SRRM4: variants seen among roughly 807,000 people sequenced by gnomAD.
SRRM4 encodes the protein serine/arginine repetitive matrix protein 4.
SRRM4 carries 33 observed loss-of-function variants against 68.9 expected under a neutral mutation model. The ratio of observed to expected loss-of-function variants is 0.48; its 90% CI spans 0.36 to 0.64. The LOEUF (loss-of-function observed/expected upper bound fraction) is 0.64, where lower values mean the gene tolerates loss of function less well. Ranked by LOEUF, SRRM4 falls within the 30% of genes least tolerant of loss-of-function variation. The probability of loss-of-function intolerance (pLI) is 0.00; values close to 1 mark genes in which losing one functional copy is unlikely to be tolerated. For missense variants in SRRM4, 817 were observed against 827.1 expected (o/e 0.99, Z 0.15); for synonymous variants, 318 against 318.8 (o/e 1.00, Z 0.03).
At chr12:119,080,012 T>C (rs1024138681) in intron 1 of SRRM4, among the ~76,000 whole-genome samples, 1 of 152,210 alleles carries the variant, frequency 6.6e-6, no homozygotes, top group African/African-American at 2.4e-5. Flanking sequence ...CGAATTCAGC[T>C]ACCGGTGCCC....
intron 8 of SRRM4, among the ~76,000 whole-genome samples, chr12:119,139,355 C>T (rs779006147): frequency 6.6e-6 from 1 of 152,174 alleles, no homozygotes; most frequent in African/African-American, 2.4e-5. Context: ...TTGGGCTTCC[C>T]TCAATTGTAT....
intron 1 of SRRM4, among the ~76,000 whole-genome samples, chr12:119,021,830 T>A (rs550329807): frequency 6.6e-6 from 1 of 152,362 alleles, no homozygotes; most frequent in African/African-American, 2.4e-5. Flanking sequence ...AGTCTATCAT[T>A]GATGGGCGTT....
Position 119,154,315 on chromosome 12 carries a change from G to A in SRRM4, c.1464G>A (p.Arg488=). Residue 488 remains arginine, a synonymous_variant, in exon 12 of 13, where the codon CGG becomes CGA. Transcript: ENST00000267260. The surrounding 1 kb of genome is among the most constrained non-coding windows in gnomAD (Gnocchi z 4.7). ...GCGAGCGAGCGCGTCGGAGACGTCGGTCCTACTCGCCTATGAGAAAGCGCC... is the reference window on the plus strand; with the variant it reads ...GCGAGCGAGCGCGTCGGAGACGTCGATCCTACTCGCCTATGAGAAAGCGCC... ...RERERARRRR[R]SYSPMRKRRR... The A allele has an allele frequency of 1.9e-6, 3 of 1,612,746 alleles. No homozygotes were observed. The highest frequency in any genetic ancestry group is 2.5e-6 in the Non-Finnish European group (3 of 1,179,580).
In SRRM4 at chr12:119,157,075, C is replaced by A; in HGVS notation, c.*277C>A. On this transcript the variant is annotated 3_prime_UTR_variant, in exon 13 of 13. Coordinates refer to ENST00000267260, the MANE Select transcript of SRRM4 (RefSeq NM_194286.4). This position sits in a 1 kb window ranked among gnomAD's most constrained non-coding sequence, Gnocchi z 4.1. ...CAAAAAAAGAAGAAAGAAAAGAAAA[C>A]TTCAAGGTTTTGTGAGAAGCAATGG... The A allele has an allele frequency of 2.2e-6, 1 of 447,274 alleles. No individual in the cohort carries two copies. The highest frequency in any genetic ancestry group is 3.9e-6 in the Non-Finnish European group (1 of 257,350). The allele number at this position is 447,274 out of a possible 1,614,324, so 27.7% of individuals were successfully genotyped here. A position where few individuals can be genotyped will look rare whatever the true frequency, so the allele number is the denominator to read the frequency against.
chr12:119,106,289 C>T (rs940640536), intron 2 of SRRM4, among the ~76,000 whole-genome samples: 3 of 152,080 alleles, frequency 2.0e-5, no homozygotes, highest in African/African-American at 4.8e-5. Flanking sequence ...CTTGGCAATG[C>T]GGGCTCTTTT....
chr12:119,051,578 A>G (rs538192842), intron 1 of SRRM4, among the ~76,000 whole-genome samples: 2 of 152,314 alleles, frequency 1.3e-5, no homozygotes, highest in East Asian at 3.9e-4. Flanking sequence ...GTATTTCTCA[A>G]AGTACCCACT....
At chr12:119,123,103 G>T (rs1954233078) in intron 6 of SRRM4, among the ~76,000 whole-genome samples, 1 of 152,164 alleles carries the variant, frequency 6.6e-6, no homozygotes, top group Non-Finnish European at 1.5e-5. Flanking sequence ...TCTAAAGAGA[G>T]GATCAAAGAC....
Position 119,145,396 on chromosome 12 carries a change from T to C in SRRM4, c.787T>C (p.Ser263Pro), listed in dbSNP as rs1266027624. The C allele has an allele frequency of 1.2e-6, 2 of 1,603,582 alleles. No homozygotes were observed. The highest frequency in any genetic ancestry group is 2.2e-5 in the South Asian group (2 of 89,020). The change falls in exon 9 of 13, where the codon TCT becomes CCT. Residue 263 changes from serine to proline, a missense_variant. Coordinates refer to ENST00000267260, the MANE Select transcript of SRRM4 (RefSeq NM_194286.4). Reference protein sequence around the residue: ...SARGVITGSGSAADLFTKTAS... With the variant: ...SARGVITGSGPAADLFTKTAS... ...TTGCTTTCAGATCACTGGGTCGGGG[T>C]CTGCTGCTGACCTCTTTACCAAAAC...
intron 1 of SRRM4, among the ~76,000 whole-genome samples, chr12:119,060,285 C>A (rs148051510): frequency 3.6e-4 from 55 of 151,170 alleles, no homozygotes; most frequent in African/African-American, 1.2e-3. Flanking sequence ...GACAGATGAA[C>A]AAAATAGGAG....
chr12:119,091,718 T>C (rs1346882370), intron 1 of SRRM4, among the ~76,000 whole-genome samples: 1 of 152,170 alleles, frequency 6.6e-6, no homozygotes, highest in Non-Finnish European at 1.5e-5. Flanking sequence ...GCAGAGTCTA[T>C]CCGATGGGTC....
chr12:118,985,431 G>C (rs777831431), intron 1 of SRRM4, among the ~76,000 whole-genome samples: 4 of 151,990 alleles, frequency 2.6e-5, no homozygotes, highest in Non-Finnish European at 5.9e-5. Flanking sequence ...TTAATCCCAC[G>C]GTTTCATCAA....
intron 1 of SRRM4, among the ~76,000 whole-genome samples, chr12:119,066,225 T>G (rs556590076): frequency 1.1e-4 from 16 of 152,286 alleles, no homozygotes; most frequent in Non-Finnish European, 2.2e-4. Context: ...TTATTGAGCT[T>G]CTTCTATGTG....
At position 119,143,935 on chromosome 12, in the gene SRRM4, C is replaced by T. The variant is rs991788984; in HGVS notation, c.772-1446C>T. ...GCCCAGGGCAGGGGTCCCTCCCATC[C>T]GCAGCTAAGCATGGTACTGCTGGCA... On this transcript the variant is annotated intron_variant, in intron 8 of 12. Transcript: ENST00000267260. Among the ~76,000 whole-genome samples, 3 of 152,116 alleles carry T rather than the reference C, an allele frequency of 2.0e-5. No homozygotes were observed. The South Asian group carries it at 6.2e-4, about 32-fold the overall frequency.
At position 119,161,164 on chromosome 12, in the gene SRRM4, T is replaced by G. The variant is rs1443291733; in HGVS notation, c.*4366T>G. On this transcript the variant is annotated 3_prime_UTR_variant, in exon 13 of 13. Transcript: ENST00000267260. ...ACTTTCATCTTTTCTTCTGCTGTTT[T>G]CTTTTCCCCTCTTCTTTTTCACAAA... 6.6e-6 allele frequency: 1 copy of G among 152,244 alleles called. No homozygotes were observed. Among genetic ancestry groups the G allele is most frequent in the African/African-American group, 2.4e-5 (1 of 41,462 alleles). The allele number at this position is 152,244 out of a possible 1,614,324, so 9.4% of individuals were successfully genotyped here.
intron 1 of SRRM4, among the ~76,000 whole-genome samples, chr12:119,025,296 G>A (rs1953540918): frequency 6.6e-6 from 1 of 152,112 alleles, no homozygotes; most frequent in Non-Finnish European, 1.5e-5. Flanking sequence ...TTTCAGGGGG[G>A]CTGGAATATA....
At position 119,125,659 on chromosome 12, in the gene SRRM4, C is replaced by T. The variant is rs137899132; in HGVS notation, c.614+180C>T. Among the ~76,000 whole-genome samples the T allele has an allele frequency of 6.2e-3, 941 of 151,932 alleles. 2 individuals are homozygous for T. Among genetic ancestry groups the T allele is most frequent in the Non-Finnish European group, 9.4e-3 (636 of 67,946 alleles). On this transcript the variant is annotated intron_variant, in intron 7 of 12. Transcript: ENST00000267260. The stretch of plus-strand genomic sequence containing the variant: ...TGGAGAGCCTGGGTGCGGTGGCTCA[C>T]GCCTGTAATGCTAGCACTTTGGGAG...
intron 1 of SRRM4, among the ~76,000 whole-genome samples, chr12:119,092,960 T>C (rs917697257): frequency 6.6e-6 from 1 of 152,172 alleles, no homozygotes; most frequent in Admixed American, 6.5e-5. Context: ...TTCACTGCAT[T>C]CCATATGTTC....
rs1954071441 is a variant in SRRM4 at position 119,100,362 on chromosome 12, T to A, written c.132-1874T>A. ...AAAAAAATCTGGGTGTGGTGGTGTG[T>A]AACTGTGGTCCCAGCTACTTGGGAG... On this transcript the variant is annotated intron_variant, in intron 1 of 12. Coordinates refer to ENST00000267260, the MANE Select transcript of SRRM4 (RefSeq NM_194286.4). Among the ~76,000 whole-genome samples the A allele has an allele frequency of 2.1e-5, 3 of 143,014 alleles. No individual in the cohort carries two copies. The South Asian group carries it at 6.8e-4, about 32-fold the overall frequency. The allele number at this position is 143,014 out of a possible 152,430, so 93.8% of individuals were successfully genotyped here.
At chr12:119,117,051 G>C (rs536533842) in intron 4 of SRRM4, 43 bp downstream of exon 4, 1 of 1,562,132 alleles carries the variant, frequency 6.4e-7, no homozygotes, top group East Asian at 2.2e-5. Flanking sequence ...CCCAGGTGGG[G>C]TGGGGAGGAC....
Sources: gnomAD v4.1 joint callset for allele counts (sites outside exome capture counted in the v4.1 genomes callset) on GRCh38, gnomAD v4.1.1 for gene constraint, Gnocchi (gnomAD v3.1) non-coding constraint, MANE v1.5 for transcripts, NCBI Gene and HGNC (gene_info 2026-07-23, HGNC 2026-07-21) for gene names.